PDE4D: variants seen among roughly 807,000 people sequenced by gnomAD.
PDE4D encodes the protein 3',5'-cyclic-AMP phosphodiesterase 4D.
Under a neutral mutation model 87.4 loss-of-function variants are expected in PDE4D, and 24 were observed. That is an observed-to-expected ratio of 0.27 (90% CI 0.20 to 0.39). The LOEUF is 0.39. PDE4D is among the 10% of genes least tolerant of loss of function. PDE4D has a pLI of 1.00. For synonymous variants in PDE4D, 384 were observed against 383.2 expected (o/e 1.00, Z -0.02); for missense variants, 714 against 1,041.0 (o/e 0.69, Z 4.32).
intron 3 of PDE4D, among the ~76,000 whole-genome samples, chr5:59,902,751 G>A (rs1049006246): frequency 3.9e-5 from 6 of 152,294 alleles, no homozygotes; most frequent in Non-Finnish European, 7.4e-5. Flanking sequence ...GAGGCAGTAA[G>A]CCATGTGGAG....
chr5:60,354,220 GA>G (rs1483493819), intron 1 of PDE4D, among the ~76,000 whole-genome samples: 42 of 152,074 alleles, frequency 2.8e-4, no homozygotes, highest in Admixed American at 3.3e-4. Context: ...GACTATTTAA[GA>G]AACATTATTT....
At chr5:59,275,068 C>A (rs2153543447) in intron 1 of PDE4D, among the ~76,000 whole-genome samples, 1 of 152,146 alleles carries the variant, frequency 6.6e-6, no homozygotes, top group Middle Eastern at 3.4e-3. Flanking sequence ...GACAAGTTTT[C>A]ATTTTCAAAA....
chr5:59,762,066 T>A (rs1465625690), intron 1 of PDE4D, among the ~76,000 whole-genome samples: 1 of 152,042 alleles, frequency 6.6e-6, no homozygotes, highest in African/African-American at 2.4e-5. Flanking sequence ...CTGTTACATG[T>A]GTGTACTGTT....
intron 1 of PDE4D, among the ~76,000 whole-genome samples, chr5:60,422,745 C>T (rs1238288353): frequency 1.3e-5 from 2 of 152,166 alleles, no homozygotes; most frequent in Non-Finnish European, 2.9e-5. Context: ...AAGACACAGA[C>T]TGGCAAATTG....
chr5:60,420,070 C>T (rs1742957124), intron 1 of PDE4D, among the ~76,000 whole-genome samples: 1 of 152,130 alleles, frequency 6.6e-6, no homozygotes, highest in South Asian at 2.1e-4. Context: ...GGAGGCTTAA[C>T]AGAGAGAAAA....
intron 1 of PDE4D, among the ~76,000 whole-genome samples, chr5:59,237,782 G>GGTGTGTGT (rs61375269): frequency 2.7e-4 from 8 of 29,464 alleles, no homozygotes; most frequent in Non-Finnish European, 4.7e-4. Context: ...CCCTCATATA[G>GGTGTGTGT]GTGTGTGTGT....
intron 1 of PDE4D, among the ~76,000 whole-genome samples, chr5:60,467,917 C>T (rs899176787): frequency 6.6e-6 from 1 of 152,142 alleles, no homozygotes; most frequent in African/African-American, 2.4e-5. Flanking sequence ...CCCCAAGATC[C>T]AATCACCTCC....
At chr5:59,236,092 C>T (rs545424535) in intron 1 of PDE4D, among the ~76,000 whole-genome samples, 1 of 152,242 alleles carries the variant, frequency 6.6e-6, no homozygotes, top group East Asian at 1.9e-4. Flanking sequence ...GAGGTTTGGG[C>T]TTCTAATTAT....
intron 6 of PDE4D, among the ~76,000 whole-genome samples, chr5:58,998,575 A>G (rs1471049969): frequency 6.6e-6 from 1 of 152,182 alleles, no homozygotes; most frequent in Non-Finnish European, 1.5e-5. Context: ...CAAGACTGAA[A>G]TAAGTTTTCT....
At chr5:60,222,392 C>T (rs527725310) in intron 1 of PDE4D, among the ~76,000 whole-genome samples, 44 of 152,212 alleles carry the variant, frequency 2.9e-4, no homozygotes, top group African/African-American at 1.0e-3. Context: ...TGAGTCCAAA[C>T]CACCTAAACC....
intron 1 of PDE4D, among the ~76,000 whole-genome samples, chr5:59,679,035 A>G (rs1748590880): frequency 6.6e-6 from 1 of 152,218 alleles, no homozygotes; most frequent in Non-Finnish European, 1.5e-5. Context: ...TTAATCTCAG[A>G]GAAGACTTAG....
chr5:60,165,664 G>C (rs1782826783), intron 2 of PDE4D, among the ~76,000 whole-genome samples: 1 of 150,324 alleles, frequency 6.7e-6, no homozygotes, highest in Non-Finnish European at 1.5e-5. Flanking sequence ...CTATTTATTT[G>C]TGTGTTCAAT....
At chr5:60,311,293 A>G (rs1755015367) in intron 1 of PDE4D, among the ~76,000 whole-genome samples, 1 of 152,198 alleles carries the variant, frequency 6.6e-6, no homozygotes, top group Non-Finnish European at 1.5e-5. Context: ...AAGTGCTGGG[A>G]TTACAGGCGT....
intron 2 of PDE4D, among the ~76,000 whole-genome samples, chr5:60,001,371 C>G (rs546730934): frequency 7.2e-5 from 11 of 152,148 alleles, no homozygotes; most frequent in Admixed American, 6.5e-4. Flanking sequence ...AAGAAAAAAG[C>G]CTGTCAAATA....
chr5:59,610,012 T>C (rs1485103822), intron 1 of PDE4D, among the ~76,000 whole-genome samples: 1 of 152,164 alleles, frequency 6.6e-6, no homozygotes, highest in Non-Finnish European at 1.5e-5. Context: ...TACTCTCCTT[T>C]CTACTCTGCA....
intron 1 of PDE4D, among the ~76,000 whole-genome samples, chr5:60,424,086 A>G (rs2150095645): frequency 6.6e-6 from 1 of 152,354 alleles, no homozygotes; most frequent in Middle Eastern, 3.4e-3. Context: ...CGATGGATTC[A>G]CAGCTGAATT....
Position 58,972,704 on chromosome 5 carries a change from A to AG in PDE4D, c.*1959dup, listed in dbSNP as rs1460699035. Reference sequence around the variant, plus strand: ...TTTAAAGTCTTCATAGAGAAGGTAAAGAAGACTTTATTAAGGCTGACGTGG... The same window carrying AG: ...TTTAAAGTCTTCATAGAGAAGGTAAAGGAAGACTTTATTAAGGCTGACGTGG... On this transcript the variant is annotated 3_prime_UTR_variant, in exon 15 of 15. Coordinates refer to ENST00000340635, the MANE Select transcript of PDE4D (RefSeq NM_001104631.2). 1.3e-5 allele frequency: 2 copies of AG among 152,212 alleles called. No individual in the cohort carries two copies. The highest frequency in any genetic ancestry group is 2.9e-5 in the Non-Finnish European group (2 of 68,036). 9.4% of individuals were successfully genotyped at this position (152,212 alleles called of 1,614,324 possible). A position where few individuals can be genotyped will look rare whatever the true frequency, so the allele number is the denominator to read the frequency against.
chr5:59,114,034 A>G (rs1008723110), intron 5 of PDE4D, among the ~76,000 whole-genome samples: 1 of 152,210 alleles, frequency 6.6e-6, no homozygotes. Flanking sequence ...CATTTTCAAT[A>G]GTCATTTCTT....
chr5:59,047,961 C>T, intron 5 of PDE4D, among the ~76,000 whole-genome samples: 1 of 152,166 alleles, frequency 6.6e-6, no homozygotes, highest in Admixed American at 6.5e-5. Context: ...CTTCCAGCTC[C>T]CAGAACTGTG....
Sources: gnomAD v4.1 joint callset for allele counts (sites outside exome capture counted in the v4.1 genomes callset) on GRCh38, gnomAD v4.1.1 for gene constraint, MANE v1.5 for transcripts, NCBI Gene and HGNC (gene_info 2026-07-23, HGNC 2026-07-21) for gene names.